The following GPHN variants were observed in gnomAD, a reference collection of about 807,000 sequenced individuals.
The protein encoded by GPHN is gephyrin.
A neutral mutation model predicts 95.5 loss-of-function variants in GPHN; 17 were observed. The observed-to-expected ratio is 0.18, with a 90% confidence interval of 0.12 to 0.27. The LOEUF is 0.27. GPHN is among the 10% of genes least tolerant of loss of function. GPHN has a pLI of 1.00. For synonymous variants in GPHN, 320 were observed against 322.5 expected, an observed-to-expected ratio of 0.99 and a Z score of 0.08; for missense variants, 660 against 978.1, an observed-to-expected ratio of 0.67 and a Z score of 4.34.
At chr14:66,656,269 A>T (rs2065299934) in intron 1 of GPHN, among the ~76,000 whole-genome samples, 1 of 151,686 alleles carries the variant, frequency 6.6e-6, no homozygotes, top group African/African-American at 2.4e-5. Context: ...CAATGATCTT[A>T]ATAGTTGTAG....
chr14:67,002,627 A>G (rs2072313701), intron 9 of GPHN, among the ~76,000 whole-genome samples: 1 of 151,314 alleles, frequency 6.6e-6, no homozygotes, highest in Non-Finnish European at 1.5e-5. Flanking sequence ...GTGCCTTACT[A>G]ACTTTGTGAC....
At chr14:66,756,251 A>G (rs954788663) in intron 2 of GPHN, among the ~76,000 whole-genome samples, 1 of 152,206 alleles carries the variant, frequency 6.6e-6, no homozygotes, top group African/African-American at 2.4e-5. Flanking sequence ...GTCAATATTT[A>G]ACAGCTATCA....
At chr14:67,561,952 A>C in the GPHN span, 1 of 1,611,534 alleles carries the variant, frequency 6.2e-7, no homozygotes. Flanking sequence ...CTTTTTGCTC[A>C]GCTTGAGATG....
At chr14:66,985,535 C>T (rs1339124528) in intron 9 of GPHN, 6 of 580,624 alleles carry the variant, frequency 1.0e-5, no homozygotes, top group Non-Finnish European at 1.8e-5. Context: ...CATACAGCCT[C>T]TGGGTTAGTT....
the GPHN span, among the ~76,000 whole-genome samples, chr14:67,517,246 CCTT>C: frequency 6.7e-6 from 1 of 148,640 alleles, no homozygotes; most frequent in Non-Finnish European, 1.5e-5. Flanking sequence ...CGCCTAATCT[CCTT>C]CTCTAGCTGT....
At chr14:66,864,410 T>C (rs2063151345) in intron 4 of GPHN, among the ~76,000 whole-genome samples, 2 of 152,096 alleles carry the variant, frequency 1.3e-5, no homozygotes, top group South Asian at 4.1e-4. Context: ...GTTTGGAGGT[T>C]TCTTGGAAAA....
intron 9 of GPHN, among the ~76,000 whole-genome samples, chr14:67,015,699 GA>G (rs940798809): frequency 6.6e-5 from 10 of 151,364 alleles, no homozygotes; most frequent in African/African-American, 2.2e-4. Context: ...CCATTTCGGG[GA>G]AAAAAAATAC....
At chr14:66,812,431 G>A (rs926623910) in intron 3 of GPHN, among the ~76,000 whole-genome samples, 6 of 152,134 alleles carry the variant, frequency 3.9e-5, no homozygotes, top group African/African-American at 1.4e-4. Flanking sequence ...CCATTCTTGC[G>A]AGAAAAGATA....
intron 21 of GPHN, among the ~76,000 whole-genome samples, chr14:67,174,858 A>G (rs948175859): frequency 3.3e-5 from 5 of 152,140 alleles, no homozygotes; most frequent in Admixed American, 6.5e-5. Flanking sequence ...TCATATGTCT[A>G]TTGGCTGTAA....
intron 1 of GPHN, among the ~76,000 whole-genome samples, chr14:66,580,383 A>G (rs1040421643): frequency 1.3e-5 from 2 of 151,868 alleles, no homozygotes; most frequent in Middle Eastern, 3.2e-3. Flanking sequence ...AGTAGAAATT[A>G]TAAAAGCAAT....
intron 9 of GPHN, among the ~76,000 whole-genome samples, chr14:67,010,706 T>C (rs1367221014): frequency 6.6e-6 from 1 of 152,124 alleles, no homozygotes. Context: ...TGGAAAGCTC[T>C]AATGGATGAG....
chr14:66,902,020 A>T (rs1240459711), intron 5 of GPHN, among the ~76,000 whole-genome samples: 1 of 151,874 alleles, frequency 6.6e-6, no homozygotes, highest in Non-Finnish European at 1.5e-5. Context: ...ATATATTTCC[A>T]TTTTTTTATG....
At chr14:67,633,090 G>T in the GPHN span, among the ~76,000 whole-genome samples, 1 of 152,086 alleles carries the variant, frequency 6.6e-6, no homozygotes, top group Non-Finnish European at 1.5e-5. Context: ...AAAGTGCTGG[G>T]ATTACAGGCG....
At chr14:66,958,858 G>C (rs1352908675) in intron 8 of GPHN, among the ~76,000 whole-genome samples, 1 of 151,914 alleles carries the variant, frequency 6.6e-6, no homozygotes, top group Non-Finnish European at 1.5e-5. Context: ...ATAAAGAAGG[G>C]TTTCTTCCAT....
At chr14:67,392,480 G>A in the GPHN span, 1 of 1,391,418 alleles carries the variant, frequency 7.2e-7, no homozygotes, top group African/African-American at 1.4e-5. Flanking sequence ...CCAGGCCCAG[G>A]CTATGGCGGC....
At chr14:66,929,233 T>C (rs2066651529) in intron 8 of GPHN, among the ~76,000 whole-genome samples, 1 of 151,924 alleles carries the variant, frequency 6.6e-6, no homozygotes, top group South Asian at 2.1e-4. Context: ...TTTTTGTGTT[T>C]AGTAGAGAGG....
the GPHN span, among the ~76,000 whole-genome samples, chr14:67,700,140 G>A: frequency 8.6e-5 from 13 of 151,644 alleles, no homozygotes; most frequent in Middle Eastern, 3.4e-3. Flanking sequence ...AAAAAAAAAA[G>A]GATACTTGGA....
At chr14:67,506,403 G>C in the GPHN span, among the ~76,000 whole-genome samples, 1 of 152,164 alleles carries the variant, frequency 6.6e-6, no homozygotes, top group African/African-American at 2.4e-5. Flanking sequence ...TAAGTTGCTT[G>C]ATGAGTACAT....
At chr14:66,829,916 A>G (rs552871439) in intron 4 of GPHN, among the ~76,000 whole-genome samples, 1 of 152,284 alleles carries the variant, frequency 6.6e-6, no homozygotes, top group East Asian at 1.9e-4. Flanking sequence ...GGAGCTAAGA[A>G]TATATTTTAC....
Sources: gnomAD v4.1 joint callset for allele counts (sites outside exome capture counted in the v4.1 genomes callset) on GRCh38, gnomAD v4.1.1 for gene constraint, MANE v1.5 for transcripts, NCBI Gene and HGNC (gene_info 2026-07-23, HGNC 2026-07-21) for gene names.